Variants in POLR3G observed in about 807,000 individuals in gnomAD.
The protein encoded by POLR3G is DNA-directed RNA polymerase III subunit RPC7.
POLR3G carries 28 observed loss-of-function variants against 30.1 expected under a neutral mutation model. That is an observed-to-expected ratio of 0.93 (90% confidence interval 0.69 to 1.27). The LOEUF is 1.27. Ranked by LOEUF, POLR3G falls within the 50% of genes most tolerant of loss-of-function variation. The pLI is 0.00. For synonymous variants in POLR3G, 79 were observed against 82.5 expected (o/e 0.96, Z 0.23); for missense variants, 254 against 264.6 (o/e 0.96, Z 0.28).
In POLR3G at chr5:90,490,792, G is replaced by T. The variant is rs1751687198; in HGVS notation, c.247+2663G>T. On this transcript the variant is annotated intron_variant, in intron 3 of 7. Transcript: ENST00000651687. The stretch of plus-strand genomic sequence containing the variant: ...TTCTATAAAATATATACATTTATAT[G>T]TGCCTATATAGGTTTATATAATATG... 2 of 240,902 alleles carry T rather than the reference G, an allele frequency of 8.3e-6. 1 individual carries two copies. The highest frequency in any genetic ancestry group is 8.7e-5 in the South Asian group (2 of 22,942). The allele number at this position is 240,902 out of a possible 1,614,324, so 14.9% of individuals were successfully genotyped here.
chr5:90,495,953 A>G (rs1751964130), intron 4 of POLR3G, among the ~76,000 whole-genome samples: 1 of 151,144 alleles, frequency 6.6e-6, no homozygotes, highest in African/African-American at 2.4e-5. Context: ...TAAAATATAT[A>G]TATATGTATA....
chr5:90,503,678 A>G (rs1346009681), intron 6 of POLR3G, among the ~76,000 whole-genome samples: 2 of 152,052 alleles, frequency 1.3e-5, no homozygotes, highest in Non-Finnish European at 2.9e-5. Flanking sequence ...AGTTGTTCCC[A>G]GATGACTTTC....
At chr5:90,496,899 G>A (rs1467428510) in intron 4 of POLR3G, among the ~76,000 whole-genome samples, 13 of 152,164 alleles carry the variant, frequency 8.5e-5, no homozygotes, top group South Asian at 4.2e-4. Context: ...TACATATTCC[G>A]TCATGATCTA....
At chr5:90,474,316 G>T (rs770601222), upstream of POLR3G, 106 of 1,606,764 alleles carry the variant, frequency 6.6e-5, 1 homozygote, top group South Asian at 1.1e-3. Flanking sequence ...GCAGCCAGGC[G>T]GGGTGAGTGT....
intron 5 of POLR3G, among the ~76,000 whole-genome samples, chr5:90,501,047 G>C (rs1433192056): frequency 1.3e-5 from 2 of 151,958 alleles, no homozygotes; most frequent in Non-Finnish European, 2.9e-5. Flanking sequence ...TAATTATGTA[G>C]CCCAAAGCCA....
At chr5:90,510,931 T>C (rs140001179) in intron 7 of POLR3G, among the ~76,000 whole-genome samples, 9 of 151,718 alleles carry the variant, frequency 5.9e-5, no homozygotes, top group African/African-American at 2.2e-4. Context: ...CTTTTGAGAG[T>C]AGTCTGTATT....
intron 1 of POLR3G, among the ~76,000 whole-genome samples, chr5:90,482,187 T>C (rs934114933): frequency 2.6e-5 from 4 of 152,164 alleles, no homozygotes; most frequent in Admixed American, 1.3e-4. Context: ...AATGTAAAAC[T>C]ATGAAACCCA....
rs566128229 is a variant in POLR3G, at chr5:90,481,712, G to A, written c.-43-3813G>A. ...ATTACAGTTTAAAAGAAAGTTAAAT[G>A]TCATGTATTTTTTATATCTTGATTT... On this transcript the variant is annotated intron_variant, in intron 1 of 7. Coordinates refer to ENST00000651687, the MANE Select transcript of POLR3G (RefSeq NM_006467.3). 2.6e-5 allele frequency among the ~76,000 whole-genome samples: 4 copies of A among 152,258 alleles called. No homozygotes were observed. In the South Asian group the frequency reaches 8.3e-4, roughly 32 times the overall value.
chr5:90,511,980 C>T (rs905497933), intron 7 of POLR3G, 73 bp from the exon 8 acceptor site: 1 of 1,030,956 alleles, frequency 9.7e-7, no homozygotes. Context: ...AAAGCAGAGA[C>T]TTTTAGGCCT....
chr5:90,502,987 C>T (rs1022815767), intron 6 of POLR3G, among the ~76,000 whole-genome samples: 1 of 152,012 alleles, frequency 6.6e-6, no homozygotes, highest in Non-Finnish European at 1.5e-5. Context: ...AGTATTTGGT[C>T]AGTACATAAA....
upstream of POLR3G, chr5:90,474,274 A>G: frequency 6.2e-7 from 1 of 1,613,284 alleles, no homozygotes. Flanking sequence ...TTGTGGGCGT[A>G]CCACTCGAGC....
At chr5:90,500,708 G>A (rs1240266748) in intron 5 of POLR3G, among the ~76,000 whole-genome samples, 2 of 151,964 alleles carry the variant, frequency 1.3e-5, no homozygotes, top group Non-Finnish European at 2.9e-5. Flanking sequence ...TTCCCCAAGG[G>A]GCAATTCAGT....
chr5:90,494,318 A>ATTTG (rs1454383967), intron 3 of POLR3G, among the ~76,000 whole-genome samples: 1 of 152,128 alleles, frequency 6.6e-6, no homozygotes, highest in Non-Finnish European at 1.5e-5. Context: ...CTTGATGGGC[A>ATTTG]TTTGGGTCAG....
chr5:90,508,319 T>A (rs1429739525), intron 7 of POLR3G, among the ~76,000 whole-genome samples: 1 of 150,866 alleles, frequency 6.6e-6, no homozygotes, highest in African/African-American at 2.5e-5. Context: ...GTGTCTTCCT[T>A]CCTCCTCCTC....
chr5:90,475,858 C>T (rs1269554110), intron 1 of POLR3G, among the ~76,000 whole-genome samples: 2 of 152,144 alleles, frequency 1.3e-5, no homozygotes, highest in African/African-American at 4.8e-5. Context: ...GTTACAGGCG[C>T]CTGCCACTGC....
At chr5:90,484,885 C>T (rs1228624338) in intron 1 of POLR3G, among the ~76,000 whole-genome samples, 2 of 152,216 alleles carry the variant, frequency 1.3e-5, no homozygotes, top group South Asian at 2.1e-4. Context: ...CAGCTCAGTT[C>T]TCATAGTATA....
At chr5:90,510,250 C>T (rs2656951) in intron 7 of POLR3G, among the ~76,000 whole-genome samples, 31,348 of 151,660 alleles carry the variant, frequency 0.21, 3,422 homozygotes, top group East Asian at 0.33. Context: ...TGGTGGCAGG[C>T]GCCTGTAGTC....
intron 3 of POLR3G, among the ~76,000 whole-genome samples, chr5:90,494,797 C>A (rs962553237): frequency 1.3e-5 from 2 of 151,626 alleles, no homozygotes; most frequent in African/African-American, 2.4e-5. Flanking sequence ...CTCTGTATTT[C>A]ATTATTTGAA....
At chr5:90,503,871 T>G (rs1307752489) in intron 6 of POLR3G, among the ~76,000 whole-genome samples, 3 of 152,184 alleles carry the variant, frequency 2.0e-5, no homozygotes, top group African/African-American at 7.2e-5. Flanking sequence ...GCTGTAAGGC[T>G]GTATAATATT....
Sources: allele counts gnomAD v4.1 joint callset (sites outside exome capture counted in the v4.1 genomes callset), GRCh38; gene constraint gnomAD v4.1.1; transcripts MANE v1.5; gene names NCBI Gene and HGNC (gene_info 2026-07-23, HGNC 2026-07-21).